COBL: variants seen among roughly 807,000 people sequenced by gnomAD.
COBL encodes the protein cordon-bleu WH2 repeat protein, also known as protein cordon-bleu.
COBL carries 51 observed loss-of-function variants against 98.8 expected under a neutral mutation model. The observed-to-expected ratio is 0.52, with a 90% CI of 0.41 to 0.65. The LOEUF (loss-of-function observed/expected upper bound fraction) is 0.65. Ranked by LOEUF, COBL falls within the 30% of genes least tolerant of loss-of-function variation. COBL has a pLI of 0.00. For synonymous variants in COBL, 634 were observed against 651.7 expected, an observed-to-expected ratio of 0.97 and a Z score of 0.41; for missense variants, 1,617 against 1,617.5, an observed-to-expected ratio of 1.00 and a Z score of 0.01.
At chr7:51,033,467 A>C (rs1788346859) in intron 8 of COBL, 1 of 152,280 alleles carries the variant, frequency 6.6e-6, no homozygotes, top group Non-Finnish European at 1.5e-5. Flanking sequence ...GTCTATGTAG[A>C]AACACACATC....
At chr7:51,121,676 A>G (rs1797753144) in intron 6 of COBL, among the ~76,000 whole-genome samples, 1 of 152,224 alleles carries the variant, frequency 6.6e-6, no homozygotes, top group South Asian at 2.1e-4. Flanking sequence ...TTCAGTTTCC[A>G]AATCCTGAAC....
At chr7:51,236,924 T>C (rs893007961) in intron 1 of COBL, among the ~76,000 whole-genome samples, 2 of 152,170 alleles carry the variant, frequency 1.3e-5, no homozygotes, top group Admixed American at 6.5e-5. Flanking sequence ...CGGTCTCGCC[T>C]CTTCACAGCT....
intron 12 of COBL, among the ~76,000 whole-genome samples, chr7:51,018,001 T>C (rs1786452806): frequency 6.6e-6 from 1 of 152,226 alleles, no homozygotes; most frequent in East Asian, 1.9e-4. Context: ...ATTGGAGACA[T>C]ACCCATAATA....
At chr7:51,149,761 A>C (rs1785385344) in intron 5 of COBL, among the ~76,000 whole-genome samples, 2 of 152,022 alleles carry the variant, frequency 1.3e-5, no homozygotes, top group African/African-American at 2.4e-5. Flanking sequence ...GCCCACCACC[A>C]CGCCTGGCTA....
At chr7:51,127,663 A>C (rs1798344096) in intron 6 of COBL, among the ~76,000 whole-genome samples, 1 of 152,162 alleles carries the variant, frequency 6.6e-6, no homozygotes, top group African/African-American at 2.4e-5. Flanking sequence ...CACACAAAAG[A>C]AGCTGAAAAG....
At chr7:51,223,082 T>C (rs1387569266) in intron 1 of COBL, among the ~76,000 whole-genome samples, 6 of 152,190 alleles carry the variant, frequency 3.9e-5, no homozygotes, top group African/African-American at 1.2e-4. Flanking sequence ...ACAGTGTGAC[T>C]AGGAGCAGCC....
At chr7:51,071,796 T>C (rs1792580151) in intron 7 of COBL, 1 of 152,160 alleles carries the variant, frequency 6.6e-6, no homozygotes, top group Admixed American at 6.6e-5. Flanking sequence ...GGGCCATAAA[T>C]CCTAATGCTT....
rs1408641065 is a variant in COBL at position 51,187,329 on chromosome 7, T to TACAC, written c.686-3131_686-3130insGTGT. ...GTTTAAGTATATATATATATATATA[T>TACAC]ATACACACACACACACACACACACA... On this transcript the variant is annotated intron_variant, in intron 4 of 12. Transcript: ENST00000265136. Among the ~76,000 whole-genome samples, 353 of 142,414 alleles carry TACAC rather than the reference T, an allele frequency of 2.5e-3. 1 individual carries two copies. The highest frequency in any genetic ancestry group is 9.0e-3 in the African/African-American group (329 of 36,620). The allele number at this position is 142,414 out of a possible 152,430, so 93.4% of individuals were successfully genotyped here.
chr7:51,274,074 G>C (rs2129167988), intron 1 of COBL, among the ~76,000 whole-genome samples: 1 of 152,148 alleles, frequency 6.6e-6, no homozygotes, highest in Admixed American at 6.5e-5. Context: ...CATGCTCACA[G>C]TTCCCCCCAG....
intron 8 of COBL, among the ~76,000 whole-genome samples, chr7:51,042,569 C>T (rs1305775916): frequency 6.6e-6 from 1 of 151,678 alleles, no homozygotes. Flanking sequence ...ACTATATTGA[C>T]CATGCTGGTC....
At chr7:51,122,741 A>G (rs998779225) in intron 6 of COBL, among the ~76,000 whole-genome samples, 2 of 152,106 alleles carry the variant, frequency 1.3e-5, no homozygotes, top group African/African-American at 4.8e-5. Context: ...CCCTTTGGGA[A>G]GCCGAGGTTG....
Position 51,126,917 on chromosome 7 carries a change from G to C in COBL, c.957+9241C>G, listed in dbSNP as rs961004958. 3.3e-5 allele frequency among the ~76,000 whole-genome samples: 5 copies of C among 152,226 alleles called. No individual in the cohort carries two copies. In the South Asian group the frequency reaches 8.3e-4, roughly 25 times the overall value. ...AGACAATGGCCCATTCGTCTCGCAT[G>C]AGCCTCCTTAGCTGTCTGACATTGA... On this transcript the variant is annotated intron_variant, in intron 6 of 12. Transcript: ENST00000265136.
At chr7:51,018,585 T>C (rs943950484) in intron 12 of COBL, among the ~76,000 whole-genome samples, 1 of 151,954 alleles carries the variant, frequency 6.6e-6, no homozygotes, top group Non-Finnish European at 1.5e-5. Context: ...CAATACAAAT[T>C]CGTCAACTTT....
At chr7:51,187,325 T>TACACAC (rs1343238685) in intron 4 of COBL, among the ~76,000 whole-genome samples, 6 of 136,192 alleles carry the variant, frequency 4.4e-5, no homozygotes, top group African/African-American at 1.9e-4. Flanking sequence ...TATATATATA[T>TACACAC]ATATATACAC....
intron 5 of COBL, among the ~76,000 whole-genome samples, chr7:51,152,872 A>G (rs1351350665): frequency 6.6e-6 from 1 of 152,226 alleles, no homozygotes; most frequent in East Asian, 1.9e-4. Flanking sequence ...GAATGCTCCA[A>G]CGGTTCAGCC....
At chr7:51,205,420 C>G (rs987175836) in intron 2 of COBL, among the ~76,000 whole-genome samples, 6 of 151,876 alleles carry the variant, frequency 4.0e-5, no homozygotes, top group African/African-American at 1.5e-4. Context: ...GGGGAAAGTA[C>G]CATCTCTTCA....
At chr7:51,254,713 T>G (rs1797045573) in intron 1 of COBL, among the ~76,000 whole-genome samples, 1 of 152,188 alleles carries the variant, frequency 6.6e-6, no homozygotes, top group African/African-American at 2.4e-5. Flanking sequence ...GCAGCCAAGA[T>G]GCACTGATGT....
intron 6 of COBL, among the ~76,000 whole-genome samples, chr7:51,089,927 G>A (rs1025662189): frequency 6.6e-6 from 1 of 151,638 alleles, no homozygotes; most frequent in Admixed American, 6.6e-5. Flanking sequence ...CAGAATTGAT[G>A]AGCCATAATT....
intron 1 of COBL, chr7:51,260,311 T>C (rs569307837): frequency 3.4e-4 from 152 of 440,632 alleles, no homozygotes; most frequent in Non-Finnish European, 3.3e-4. Context: ...TAGAACAGGA[T>C]AATATGTAAA....
Sources: gnomAD v4.1 joint callset for allele counts (sites outside exome capture counted in the v4.1 genomes callset) on GRCh38, gnomAD v4.1.1 for gene constraint, MANE v1.5 for transcripts, NCBI Gene and HGNC (gene_info 2026-07-23, HGNC 2026-07-21) for gene names.